RIN2: variants seen among roughly 807,000 people sequenced by gnomAD.
The protein encoded by RIN2 is Ras and Rab interactor 2.
RIN2 carries 36 observed loss-of-function variants against 78.0 expected under a neutral mutation model. The observed-to-expected ratio is 0.46, with a 90% CI of 0.35 to 0.61. The LOEUF (loss-of-function observed/expected upper bound fraction) is 0.61. Ranked by LOEUF, RIN2 falls within the 20% of genes least tolerant of loss-of-function variation. RIN2 has a pLI of 0.00. For synonymous variants in RIN2, 466 were observed against 466.8 expected (o/e 1.00, Z 0.02); for missense variants, 1,087 against 1,159.7 (o/e 0.94, Z 0.91).
rs760512543 is a variant in RIN2, at chr20:19,975,424, G to A, written c.1399G>A (p.Glu467Lys). The A allele has an allele frequency of 3.1e-6, 5 of 1,614,088 alleles. No homozygotes were observed. Among genetic ancestry groups the A allele is most frequent in the Non-Finnish European group, 3.4e-6 (4 of 1,179,908 alleles). ...TNSSLEDYEG[E>K]SDQETMAPPI... is the part of the protein sequence containing the mutation. ...CAGCAGCCTGGAGGACTACGAGGGG[G>A]AAAGTGACCAAGAGACCATGGCGCC... Residue 467 changes from glutamate (E) to lysine (K), a missense_variant, in exon 9 of 13, where the codon GAA becomes AAA. Glu to Lys is a moderately conservative substitution (Grantham distance 56, BLOSUM62 1). Transcript: ENST00000255006. The surrounding 1 kb of genome is among the most constrained non-coding windows in gnomAD (Gnocchi z 4.9).
At chr20:19,985,841 C>G (rs2042604738) in intron 9 of RIN2, among the ~76,000 whole-genome samples, 1 of 152,190 alleles carries the variant, frequency 6.6e-6, no homozygotes, top group Non-Finnish European at 1.5e-5. Context: ...ACTCCAAGAA[C>G]TCAGGAAACA....
intron 2 of RIN2, among the ~76,000 whole-genome samples, chr20:19,878,505 T>A (rs904229901): frequency 6.6e-6 from 1 of 152,170 alleles, no homozygotes; most frequent in Admixed American, 6.5e-5. Flanking sequence ...AATTTTAAAT[T>A]TAAACCAGGT....
At chr20:19,914,491 C>T (rs950339920) in intron 3 of RIN2, among the ~76,000 whole-genome samples, 4 of 152,158 alleles carry the variant, frequency 2.6e-5, no homozygotes, top group African/African-American at 9.7e-5. Flanking sequence ...AGTTGCTGCT[C>T]TCGTGTTTGA....
intron 11 of RIN2, among the ~76,000 whole-genome samples, chr20:19,993,071 C>G (rs1360632502): frequency 6.6e-6 from 1 of 152,136 alleles, no homozygotes; most frequent in African/African-American, 2.4e-5. Flanking sequence ...TTACACATAG[C>G]TTAGGTATTT....
chr20:19,934,132 G>T (rs2040541140), intron 3 of RIN2, among the ~76,000 whole-genome samples: 1 of 152,074 alleles, frequency 6.6e-6, no homozygotes, highest in South Asian at 2.1e-4. Context: ...AATTATTGAG[G>T]ATCCCAAAGA....
chr20:19,864,418 C>T (rs569263585), intron 2 of RIN2, among the ~76,000 whole-genome samples: 4 of 152,248 alleles, frequency 2.6e-5, no homozygotes, highest in African/African-American at 4.8e-5. Context: ...ACGCTTGGCT[C>T]TATAAACAAA....
intron 2 of RIN2, among the ~76,000 whole-genome samples, chr20:19,863,309 G>T (rs1036265274): frequency 6.6e-6 from 1 of 152,152 alleles, no homozygotes; most frequent in African/African-American, 2.4e-5. Context: ...CATAGATGTT[G>T]TGCGTTACAT....
intron 1 of RIN2, among the ~76,000 whole-genome samples, chr20:19,784,902 A>C (rs566613279): frequency 7.3e-4 from 111 of 152,166 alleles, no homozygotes; most frequent in Admixed American, 1.1e-3. Context: ...GAGAGGAGGG[A>C]AACTAGGAAG....
chr20:19,860,393 C>T (rs1207856889), intron 2 of RIN2, among the ~76,000 whole-genome samples: 1 of 152,018 alleles, frequency 6.6e-6, no homozygotes, highest in African/African-American at 2.4e-5. Context: ...TCGATGATCT[C>T]GGCTCACTGC....
At chr20:19,758,615 T>A (rs1399628641) in intron 1 of RIN2, among the ~76,000 whole-genome samples, 1 of 152,082 alleles carries the variant, frequency 6.6e-6, no homozygotes, top group Non-Finnish European at 1.5e-5. Context: ...TGTCCTCAGC[T>A]GACCTGTGCG....
In RIN2 at chr20:20,000,658, G is replaced by A; in HGVS notation, c.2410G>A (p.Gly804Arg). 6.2e-7 allele frequency: 1 copy of A among 1,611,198 alleles called. No homozygotes were observed. The highest frequency in any genetic ancestry group is 8.5e-7 in the Non-Finnish European group (1 of 1,177,556). The stretch of plus-strand genomic sequence containing the variant: ...TCAGGAGGTCAACAGTGGTTGCACA[G>A]GAAAGACCCTCCTTGTGAGACCTTA... ...AFQEVNSGCTGKTLLVRPYIT... is the reference protein window; with the variant it reads ...AFQEVNSGCTRKTLLVRPYIT... Residue 804 changes from glycine (G) to arginine (R), a missense_variant, in exon 13 of 13, where the codon GGA (glycine) becomes AGA (arginine). Around this residue, in one of 8 missense-constraint regions of RIN2, gnomAD observed 160 missense variants for 179.4 expected, o/e 0.89. Coordinates refer to ENST00000255006, the MANE Select transcript of RIN2 (RefSeq NM_018993.4).
intron 2 of RIN2, chr20:19,823,849 A>G: frequency 6.2e-7 from 1 of 1,606,444 alleles, no homozygotes; most frequent in South Asian, 1.1e-5. Context: ...CAGGGGGCCG[A>G]TCTTGGGGGC....
intron 6 of RIN2, among the ~76,000 whole-genome samples, chr20:19,964,006 G>A (rs543748943): frequency 6.6e-6 from 1 of 151,986 alleles, no homozygotes; most frequent in African/African-American, 2.4e-5. Context: ...TGGGATTACA[G>A]GTGCATGTCA....
chr20:19,819,670 G>T (rs904604725), intron 2 of RIN2, among the ~76,000 whole-genome samples: 1 of 152,114 alleles, frequency 6.6e-6, no homozygotes, highest in African/African-American at 2.4e-5. Context: ...TGGTAGCTGG[G>T]ACCACAGGTG....
At chr20:19,903,657 A>G (rs1215076753) in intron 3 of RIN2, among the ~76,000 whole-genome samples, 1 of 152,142 alleles carries the variant, frequency 6.6e-6, no homozygotes, top group African/African-American at 2.4e-5. Flanking sequence ...ACTTCCTCCA[A>G]TGACCAGGAC....
chr20:19,925,288 A>G (rs1412031051), intron 3 of RIN2, among the ~76,000 whole-genome samples: 1 of 152,202 alleles, frequency 6.6e-6, no homozygotes, highest in Non-Finnish European at 1.5e-5. Flanking sequence ...CAGATGAATG[A>G]AAGGACTACA....
intron 1 of RIN2, among the ~76,000 whole-genome samples, chr20:19,771,996 C>A (rs905768789): frequency 6.6e-6 from 1 of 152,182 alleles, no homozygotes; most frequent in African/African-American, 2.4e-5. Context: ...AAGCCACCTG[C>A]ATGCCGACTG....
intron 2 of RIN2, among the ~76,000 whole-genome samples, chr20:19,821,247 A>AT (rs2035917571): frequency 3.3e-5 from 5 of 151,746 alleles, no homozygotes. Flanking sequence ...CAACTATTTT[A>AT]TTTTTCTCCC....
intron 6 of RIN2, among the ~76,000 whole-genome samples, chr20:19,962,849 C>T (rs572794068): frequency 8.1e-4 from 124 of 152,208 alleles, no homozygotes; most frequent in African/African-American, 2.7e-3. Flanking sequence ...CCCATCTGCT[C>T]AGGAGGTTGA....
Sources: allele counts gnomAD v4.1 joint callset (sites outside exome capture counted in the v4.1 genomes callset), GRCh38; gene constraint gnomAD v4.1.1; regional missense constraint gnomAD v4.1.1; non-coding constraint Gnocchi (gnomAD v3.1); transcripts MANE v1.5; gene names NCBI Gene and HGNC (gene_info 2026-07-23, HGNC 2026-07-21).